The following PEAK1 variants were observed in gnomAD, a reference collection of about 807,000 sequenced individuals.
PEAK1 encodes the protein inactive tyrosine-protein kinase PEAK1.
PEAK1 carries 54 observed loss-of-function variants against 124.7 expected under a neutral mutation model. The ratio of observed to expected loss-of-function variants is 0.43; its 90% CI spans 0.35 to 0.54. PEAK1 has a LOEUF of 0.54. Among genes scored for constraint, PEAK1 ranks in the 20% least tolerant of loss-of-function variants. PEAK1 has a pLI of 0.01. For missense variants in PEAK1, 2,046 were observed against 2,134.5 expected (o/e 0.96, Z 0.82); for synonymous variants, 719 against 760.0 (o/e 0.95, Z 0.89).
At chr15:77,289,978 T>TC (rs1009217673) in intron 2 of PEAK1, among the ~76,000 whole-genome samples, 1 of 151,214 alleles carries the variant, frequency 6.6e-6, no homozygotes, top group African/African-American at 2.4e-5. Context: ...TAATTACTCT[T>TC]TTTTTTTTGA....
In PEAK1 at chr15:77,350,021, G is replaced by C. The variant is rs996041938; in HGVS notation, c.-603+15142C>G. 34 of 984,858 alleles carry C rather than the reference G, an allele frequency of 3.5e-5. No individual in the cohort carries two copies. In the African/African-American group the frequency reaches 4.5e-4, roughly 13 times the overall value. The allele number at this position is 984,858 out of a possible 1,614,324, so 61.0% of individuals were successfully genotyped here. A position where few individuals can be genotyped will look rare whatever the true frequency, so the allele number is the denominator to read the frequency against. ...TTTCTAGGTTTAAGAAGAAGACATA[G>C]AACAGCAATGTAGGAAGTCAGGGCT... On this transcript the variant is annotated intron_variant, in intron 2 of 9. Coordinates refer to ENST00000682557, the MANE Select transcript of PEAK1 (RefSeq NM_001385026.1).
chr15:77,300,607 C>T (rs2063736661), intron 2 of PEAK1, among the ~76,000 whole-genome samples: 1 of 152,116 alleles, frequency 6.6e-6, no homozygotes, highest in African/African-American at 2.4e-5. Context: ...ATTACTAAAA[C>T]AATATAAATA....
At chr15:77,302,023 AC>A (rs1376684074) in intron 2 of PEAK1, among the ~76,000 whole-genome samples, 1 of 152,094 alleles carries the variant, frequency 6.6e-6, no homozygotes, top group East Asian at 1.9e-4. Flanking sequence ...TGTCCCCTTG[AC>A]ATACTCCTAT....
intron 8 of PEAK1, among the ~76,000 whole-genome samples, chr15:77,151,952 G>T (rs1172598177): frequency 6.6e-6 from 1 of 152,142 alleles, no homozygotes; most frequent in Non-Finnish European, 1.5e-5. Flanking sequence ...TTTGGCTTAG[G>T]ATTGACTTGG....
chr15:77,314,047 T>C (rs1243736028), intron 2 of PEAK1, among the ~76,000 whole-genome samples: 2 of 152,098 alleles, frequency 1.3e-5, no homozygotes, highest in Non-Finnish European at 2.9e-5. Flanking sequence ...GAATGGTACT[T>C]TATTTCTGTG....
intron 6 of PEAK1, among the ~76,000 whole-genome samples, chr15:77,233,829 C>T (rs960178280): frequency 2.0e-5 from 3 of 152,118 alleles, no homozygotes; most frequent in Non-Finnish European, 2.9e-5. Flanking sequence ...CTGAAAACTA[C>T]CCATTATGTC....
At chr15:77,297,381 AT>A (rs1484522254) in intron 2 of PEAK1, among the ~76,000 whole-genome samples, 5 of 151,812 alleles carry the variant, frequency 3.3e-5, no homozygotes, top group Admixed American at 1.3e-4. Context: ...AGTATACGCT[AT>A]TAACACCTGT....
At chr15:77,344,134 G>A (rs116232667) in intron 2 of PEAK1, among the ~76,000 whole-genome samples, 2,545 of 152,166 alleles carry the variant, frequency 0.017, 68 homozygotes, top group African/African-American at 0.057. Flanking sequence ...TCACTCTGTC[G>A]CCCAGGCTAA....
chr15:77,207,121 G>T (rs1313224448), intron 6 of PEAK1, among the ~76,000 whole-genome samples: 5 of 151,630 alleles, frequency 3.3e-5, no homozygotes, highest in African/African-American at 4.9e-5. Context: ...AATTCAAGAT[G>T]GATTAAAGAC....
intron 1 of PEAK1, among the ~76,000 whole-genome samples, chr15:77,390,702 A>C (rs905304501): frequency 6.6e-6 from 1 of 152,208 alleles, no homozygotes; most frequent in Admixed American, 6.5e-5. Flanking sequence ...TTAATCCACA[A>C]ATGAGACTAT....
At chr15:77,390,277 G>A (rs2141909559) in intron 1 of PEAK1, among the ~76,000 whole-genome samples, 1 of 152,348 alleles carries the variant, frequency 6.6e-6, no homozygotes, top group Middle Eastern at 3.4e-3. Context: ...GAGCAGGAAA[G>A]AGGGAGAAGA....
intron 1 of PEAK1, among the ~76,000 whole-genome samples, chr15:77,399,220 A>C (rs1381488341): frequency 2.0e-5 from 3 of 152,186 alleles, no homozygotes; most frequent in Non-Finnish European, 4.4e-5. Flanking sequence ...GACTGGAAGA[A>C]TCAATATTGT....
At chr15:77,115,764 T>C (rs1191306232) in intron 9 of PEAK1, among the ~76,000 whole-genome samples, 1 of 152,228 alleles carries the variant, frequency 6.6e-6, no homozygotes, top group African/African-American at 2.4e-5. Context: ...GGACTCATAA[T>C]GGAGACCAAA....
chr15:77,194,335 T>C (rs1032582112), intron 6 of PEAK1, among the ~76,000 whole-genome samples: 3 of 152,178 alleles, frequency 2.0e-5, no homozygotes, highest in Non-Finnish European at 2.9e-5. Context: ...TTAACTACTT[T>C]AACTCTTCAT....
chr15:77,354,711 A>C (rs1181999630), intron 2 of PEAK1, among the ~76,000 whole-genome samples: 1 of 152,144 alleles, frequency 6.6e-6, no homozygotes, highest in East Asian at 1.9e-4. Flanking sequence ...TATGAATACT[A>C]AGTACGTTTT....
intron 2 of PEAK1, among the ~76,000 whole-genome samples, chr15:77,339,636 T>G (rs1359459355): frequency 6.6e-6 from 1 of 152,186 alleles, no homozygotes; most frequent in Non-Finnish European, 1.5e-5. Context: ...CCAAAAGCAC[T>G]ATCCAAGAAA....
chr15:77,390,659 T>C (rs1395410316), intron 1 of PEAK1, among the ~76,000 whole-genome samples: 3 of 152,264 alleles, frequency 2.0e-5, no homozygotes, highest in Non-Finnish European at 2.9e-5. Context: ...ATTGGTACTA[T>C]GTGCCAGGCA....
At chr15:77,336,791 G>T (rs1431763801) in intron 2 of PEAK1, among the ~76,000 whole-genome samples, 1 of 151,868 alleles carries the variant, frequency 6.6e-6, no homozygotes, top group Admixed American at 6.6e-5. Context: ...AGTATACATG[G>T]ATAAGAGTGT....
At chr15:77,257,949 T>C (rs1274907598) in intron 5 of PEAK1, among the ~76,000 whole-genome samples, 6 of 152,352 alleles carry the variant, frequency 3.9e-5, no homozygotes, top group Non-Finnish European at 8.8e-5. Context: ...TACATATAGC[T>C]AGCCAGTTTT....
Sources: allele counts gnomAD v4.1 joint callset (sites outside exome capture counted in the v4.1 genomes callset), GRCh38; gene constraint gnomAD v4.1.1; transcripts MANE v1.5; gene names NCBI Gene and HGNC (gene_info 2026-07-23, HGNC 2026-07-21).